Variants in VPS13A observed in about 807,000 individuals in gnomAD.
VPS13A encodes vacuolar protein sorting 13 homolog A, also known as intermembrane lipid transfer protein VPS13A.
Under a neutral mutation model 390.9 loss-of-function variants are expected in VPS13A, and 264 were observed. The observed-to-expected ratio is 0.68, with a 90% CI of 0.61 to 0.75. The LOEUF is 0.75. Ranked by LOEUF, VPS13A falls within the 30% of genes least tolerant of loss-of-function variation. VPS13A has a pLI of 0.00. For synonymous variants in VPS13A, 1,231 were observed against 1,227.1 expected, an observed-to-expected ratio of 1.00 and a Z score of -0.07; for missense variants, 3,409 against 3,733.9, an observed-to-expected ratio of 0.91 and a Z score of 2.27.
At chr9:77,266,910 T>C (rs1312983013) in intron 23 of VPS13A, among the ~76,000 whole-genome samples, 1 of 152,088 alleles carries the variant, frequency 6.6e-6, no homozygotes, top group Admixed American at 6.6e-5. Context: ...TTTCACTAAG[T>C]TGATCTTCAA....
rs185637183 is a variant in VPS13A at position 77,205,688 on chromosome 9, T to A, written c.283+280T>A. ...CTCACTGCAACCTCTGCCTCCTGGG[T>A]TCAAGCGATTCTCCTGCCTCAGCCT... On this transcript the variant is annotated intron_variant, in intron 4 of 71. Coordinates refer to ENST00000360280, the MANE Select transcript of VPS13A (RefSeq NM_033305.3). 3.2e-4 allele frequency among the ~76,000 whole-genome samples: 49 copies of A among 151,996 alleles called. 1 individual carries two copies. The highest frequency in any genetic ancestry group is 1.1e-3 in the African/African-American group (46 of 41,456).
In VPS13A at chr9:77,318,574, T is replaced by G; in HGVS notation, c.5296T>G (p.Cys1766Gly). 3.1e-6 allele frequency: 5 copies of G among 1,613,718 alleles called. No individual in the cohort carries two copies. The highest frequency in any genetic ancestry group is 4.2e-6 in the Non-Finnish European group (5 of 1,179,752). The stretch of plus-strand genomic sequence containing the variant: ...CTGGAGTTCCCTAATAAATCTGCAC[T>G]GTCAGCTTGAGCTAGAAGTAAGCAT... ...KNWSSLINLHCQLELEVHYYN... is the reference protein window; with the variant it reads ...KNWSSLINLHGQLELEVHYYN... The change falls in exon 41 of 72, where the codon TGT (cysteine) becomes GGT (glycine). Residue 1766 changes from cysteine (C) to glycine (G), a missense_variant. Cys to Gly is a radical substitution (Grantham distance 159). Around this residue, in one of 5 missense-constraint regions of VPS13A, gnomAD observed 2,717 missense variants for 2,917.4 expected, o/e 0.93. Transcript: ENST00000360280.
intron 3 of VPS13A, among the ~76,000 whole-genome samples, chr9:77,203,297 T>G (rs1000806539): frequency 3.2e-4 from 48 of 152,216 alleles, no homozygotes; most frequent in African/African-American, 6.3e-4. Flanking sequence ...TGTTTGTTTG[T>G]TTGGTTTTTG....
chr9:77,248,866 G>A (rs1347206301), intron 20 of VPS13A, among the ~76,000 whole-genome samples: 1 of 152,134 alleles, frequency 6.6e-6, no homozygotes, highest in African/African-American at 2.4e-5. Flanking sequence ...CAAGTAGCTG[G>A]GATTTCAGGC....
intron 68 of VPS13A, chr9:77,385,179 T>C: frequency 1.1e-6 from 1 of 921,086 alleles, no homozygotes; most frequent in Non-Finnish European, 1.3e-6. Flanking sequence ...ATAATAAACA[T>C]ATGTAATCTA....
intron 68 of VPS13A, among the ~76,000 whole-genome samples, chr9:77,383,708 C>T (rs1322568611): frequency 6.6e-6 from 1 of 151,940 alleles, no homozygotes; most frequent in African/African-American, 2.4e-5. Flanking sequence ...GATGTAAAAA[C>T]ATGACTTTTG....
chr9:77,340,057 A>ATAAATTCTAATTCTAAAAC, intron 48 of VPS13A, 121 bp from the exon 49 acceptor site: 1 of 1,338,630 alleles, frequency 7.5e-7, no homozygotes, highest in Non-Finnish European at 1.0e-6. Flanking sequence ...ATTTAATATT[A>ATAAATTCTAATTCTAAAAC]TAAAGGTTTA....
chr9:77,342,739 C>T (rs2131514996), intron 50 of VPS13A, among the ~76,000 whole-genome samples: 1 of 152,226 alleles, frequency 6.6e-6, no homozygotes, highest in South Asian at 2.1e-4. Context: ...CAAAAGAAGT[C>T]CAGAATGTGA....
At chr9:77,293,869 A>G (rs1208980104) in intron 32 of VPS13A, among the ~76,000 whole-genome samples, 1 of 152,068 alleles carries the variant, frequency 6.6e-6, no homozygotes, top group Non-Finnish European at 1.5e-5. Context: ...TATATAATTG[A>G]AGTTTGTTTT....
rs1053051750 is a variant in VPS13A at position 77,420,527 on chromosome 9, C to G, written c.*4521C>G. 2 of 151,654 alleles carry G rather than the reference C, an allele frequency of 1.3e-5. No homozygotes were observed. The highest frequency in any genetic ancestry group is 1.3e-4 in the Admixed American group (2 of 15,230). 9.4% of individuals were successfully genotyped at this position (151,654 alleles called of 1,614,324 possible). On this transcript the variant is annotated 3_prime_UTR_variant, in exon 72 of 72. Coordinates refer to ENST00000360280, the MANE Select transcript of VPS13A (RefSeq NM_033305.3). The stretch of plus-strand genomic sequence containing the variant: ...CCAAAAAGCTATACAAGAAATATAA[C>G]TTCAATTTTTTAGGTTGATATGGGT...
At chr9:77,362,445 C>A (rs1247216070) in intron 59 of VPS13A, among the ~76,000 whole-genome samples, 1 of 152,208 alleles carries the variant, frequency 6.6e-6, no homozygotes, top group Non-Finnish European at 1.5e-5. Flanking sequence ...AATCAGTTAA[C>A]AACACACATG....
intron 19 of VPS13A, among the ~76,000 whole-genome samples, chr9:77,241,841 A>T (rs984114224): frequency 2.6e-5 from 4 of 152,142 alleles, no homozygotes; most frequent in Non-Finnish European, 4.4e-5. Context: ...TCATTCACAG[A>T]GGTATTACCT....
Position 77,214,399 on chromosome 9 carries a change from TATAAG to T in VPS13A, c.754+18_754+22del. 6.2e-7 allele frequency: 1 copy of T among 1,604,996 alleles called. No individual in the cohort carries two copies. Among genetic ancestry groups the T allele is most frequent in the Non-Finnish European group, 8.5e-7 (1 of 1,172,122 alleles). Reference sequence around the variant, plus strand: ...GGTTATGATTTTGGTAAGTACATTTTATAAGATAAAAAAAGTAGTTAAAGTAATTG... The same window carrying T: ...GGTTATGATTTTGGTAAGTACATTTTATAAAAAAAGTAGTTAAAGTAATTG... On this transcript the variant is annotated intron_variant, in intron 10 of 71. Coordinates refer to ENST00000360280, the MANE Select transcript of VPS13A (RefSeq NM_033305.3).
intron 59 of VPS13A, among the ~76,000 whole-genome samples, chr9:77,364,364 G>T (rs1000107077): frequency 2.0e-5 from 3 of 152,122 alleles, no homozygotes; most frequent in African/African-American, 7.2e-5. Flanking sequence ...GGCACAAGTT[G>T]CAGTGAGCCG....
At chr9:77,348,497 T>C (rs1831284617) in intron 52 of VPS13A, among the ~76,000 whole-genome samples, 1 of 151,982 alleles carries the variant, frequency 6.6e-6, no homozygotes, top group African/African-American at 2.4e-5. Flanking sequence ...TCAGGATAAA[T>C]AGCTAATGCA....
At chr9:77,301,395 T>G (rs1259972961) in intron 33 of VPS13A, among the ~76,000 whole-genome samples, 1 of 152,206 alleles carries the variant, frequency 6.6e-6, no homozygotes, top group Admixed American at 6.5e-5. Context: ...GGCTTTTAGA[T>G]TCCTTAACCT....
Position 77,419,675 on chromosome 9 carries a change from C to A in VPS13A, c.*3669C>A, listed in dbSNP as rs1835286159. On this transcript the variant is annotated 3_prime_UTR_variant, in exon 72 of 72. Coordinates refer to ENST00000360280, the MANE Select transcript of VPS13A (RefSeq NM_033305.3). Reference sequence around the variant, plus strand: ...CAGAAAAAGCATAGAAAAATTAGATCCACACACAGCACCCAAAAAAGGCCA... The same window carrying A: ...CAGAAAAAGCATAGAAAAATTAGATACACACACAGCACCCAAAAAAGGCCA... The A allele has an allele frequency of 6.6e-6, 1 of 152,178 alleles. No homozygotes were observed. The highest frequency in any genetic ancestry group is 1.9e-4 in the East Asian group (1 of 5,192). 9.4% of individuals were successfully genotyped at this position (152,178 alleles called of 1,614,324 possible). A position where few individuals can be genotyped will look rare whatever the true frequency, so the allele number is the denominator to read the frequency against.
rs1172928582 is a variant in VPS13A at position 77,314,024 on chromosome 9, G to A, written c.4147G>A (p.Val1383Ile). The change falls in exon 36 of 72, where the codon GTA becomes ATA. Residue 1383 changes from valine to isoleucine, a missense_variant. Val to Ile is a conservative substitution (Grantham distance 29, BLOSUM62 3). Around this residue, in one of 5 missense-constraint regions of VPS13A, gnomAD observed 2,717 missense variants for 2,917.4 expected, o/e 0.93. Transcript: ENST00000360280. ...ATVVTAAVVEVHSRALLVKTT... is the reference protein window; with the variant it reads ...ATVVTAAVVEIHSRALLVKTT... ...TGTGGTGACAGCTGCTGTGGTAGAA[G>A]TACATTCACGTGCCTTACTAGTTAA... The A allele has an allele frequency of 6.2e-7, 1 of 1,613,306 alleles. No individual in the cohort carries two copies. Among genetic ancestry groups the A allele is most frequent in the South Asian group, 1.1e-5 (1 of 91,022 alleles).
In VPS13A at chr9:77,178,141, G is replaced by T. The variant is rs1005431269; in HGVS notation, c.100+337G>T. 14 of 309,888 alleles carry T rather than the reference G, an allele frequency of 4.5e-5. No homozygotes were observed. The Admixed American group carries it at 6.3e-4, about 14-fold the overall frequency. The allele number at this position is 309,888 out of a possible 1,614,324, so 19.2% of individuals were successfully genotyped here. A position where few individuals can be genotyped will look rare whatever the true frequency, so the allele number is the denominator to read the frequency against. ...CTCTACCCCTGGCCCCGCACGGTCC[G>T]GCTTTAGCCGCGCGGGGCGAGGAGG... On this transcript the variant is annotated intron_variant, in intron 1 of 71. Transcript: ENST00000360280.
Sources: gnomAD v4.1 joint callset for allele counts (sites outside exome capture counted in the v4.1 genomes callset) on GRCh38, gnomAD v4.1.1 for gene constraint, gnomAD v4.1.1 regional missense constraint, MANE v1.5 for transcripts, NCBI Gene and HGNC (gene_info 2026-07-23, HGNC 2026-07-21) for gene names.